Variants in NAV3 observed in about 807,000 individuals in gnomAD.
The protein encoded by NAV3 is pore membrane and/or filament interacting like protein 1.
NAV3 carries 87 observed loss-of-function variants against 244.7 expected under a neutral mutation model. The ratio of observed to expected loss-of-function variants is 0.36; its 90% CI spans 0.30 to 0.42. The LOEUF (loss-of-function observed/expected upper bound fraction) is 0.42, where lower values mean the gene tolerates loss of function less well. Ranked by LOEUF, NAV3 falls within the 20% of genes least tolerant of loss-of-function variation. The pLI, the probability that NAV3 is intolerant of heterozygous loss-of-function variation, is 1.00. For missense variants in NAV3, 2,663 were observed against 2,893.3 expected (o/e 0.92, Z 1.83); for synonymous variants, 1,126 against 1,042.2 (o/e 1.08, Z -1.55).
intron 2 of NAV3, among the ~76,000 whole-genome samples, chr12:77,617,768 T>C (rs1871198868): frequency 6.6e-6 from 1 of 152,222 alleles, no homozygotes; most frequent in South Asian, 2.1e-4. Flanking sequence ...GCATTCTTTG[T>C]TCAGCTCCTA....
intron 2 of NAV3, among the ~76,000 whole-genome samples, chr12:77,627,736 A>G (rs1036810622): frequency 3.9e-5 from 6 of 152,230 alleles, no homozygotes; most frequent in Non-Finnish European, 8.8e-5. Context: ...CTCCATGTCT[A>G]TTGCAGCACT....
chr12:77,941,814 A>G (rs1403205176), intron 3 of NAV3, among the ~76,000 whole-genome samples: 1 of 152,174 alleles, frequency 6.6e-6, no homozygotes, highest in Non-Finnish European at 1.5e-5. Context: ...TGAAATATAA[A>G]ATGCCTTAAC....
intron 1 of NAV3, among the ~76,000 whole-genome samples, chr12:77,923,787 C>G (rs1331828247): frequency 6.6e-6 from 1 of 152,084 alleles, no homozygotes; most frequent in Non-Finnish European, 1.5e-5. Context: ...GCTGGGAAAT[C>G]AAGCTCAGAG....
intron 22 of NAV3, among the ~76,000 whole-genome samples, chr12:78,154,345 A>G (rs997912816): frequency 1.6e-4 from 14 of 86,680 alleles, no homozygotes; most frequent in Non-Finnish European, 2.2e-4. Context: ...ATAGTAATAT[A>G]TTACTATATA....
chr12:77,942,287 G>A (rs1156296516), intron 3 of NAV3, among the ~76,000 whole-genome samples: 1 of 152,072 alleles, frequency 6.6e-6, no homozygotes, highest in Non-Finnish European at 1.5e-5. Context: ...CAGGAGAATC[G>A]CTTGAACCAG....
rs1435496451 is a variant in NAV3, at chr12:78,007,264, G to A, written c.1726G>A (p.Ala576Thr). ...GCCTATAACCATGGAGAAAGCAAGT[G>A]CTTCTAGTTGTCCTGCCCCTTTGGA... is the stretch of plus-strand genomic sequence containing the variant. ...SKPITMEKASASSCPAPLEGR... is the reference protein window; with the variant it reads ...SKPITMEKASTSSCPAPLEGR... The change falls in exon 8 of 40, where the codon GCT becomes ACT. Residue 576 changes from alanine to threonine, a missense_variant. Around this residue, in one of 6 missense-constraint regions of NAV3, gnomAD observed 1,521 missense variants for 1,497.0 expected, o/e 1.02. Coordinates refer to ENST00000397909, the MANE Select transcript of NAV3 (RefSeq NM_001024383.2). The A allele has an allele frequency of 2.5e-6, 4 of 1,614,194 alleles. No individual in the cohort carries two copies. Among genetic ancestry groups the A allele is most frequent in the Non-Finnish European group, 3.4e-6 (4 of 1,180,026 alleles).
At chr12:78,172,359 C>T (rs1958036983) in intron 24 of NAV3, among the ~76,000 whole-genome samples, 2 of 151,434 alleles carry the variant, frequency 1.3e-5, no homozygotes, top group African/African-American at 4.8e-5. Flanking sequence ...TGATTGATAC[C>T]ACATGCCATA....
At position 77,767,090 on chromosome 12, in the gene NAV3, C is replaced by T. The variant is rs17044208; in HGVS notation, c.73-173229C>T. Among the ~76,000 whole-genome samples, 419 of 152,112 alleles carry T rather than the reference C, an allele frequency of 2.8e-3. 3 individuals are homozygous for T. The highest frequency in any genetic ancestry group is 8.4e-3 in the African/African-American group (350 of 41,490). On this transcript the variant is annotated intron_variant, in intron 2 of 8. Transcript: ENST00000550042. The stretch of plus-strand genomic sequence containing the variant: ...CAAGGGAAAAATGACTATTAAGAAG[C>T]GCGATGGAAAGTCAGAGAGTCAGAG...
chr12:78,037,822 G>A (rs888582932), intron 9 of NAV3, among the ~76,000 whole-genome samples: 26 of 152,272 alleles, frequency 1.7e-4, no homozygotes, highest in African/African-American at 5.5e-4. Flanking sequence ...GTAGAGTTAA[G>A]TTTCTTCTGC....
At chr12:78,118,686 C>G (rs982363327) in intron 14 of NAV3, among the ~76,000 whole-genome samples, 1 of 152,158 alleles carries the variant, frequency 6.6e-6, no homozygotes, top group Non-Finnish European at 1.5e-5. Flanking sequence ...ACTACAGACT[C>G]TGAGAGGAAC....
intron 2 of NAV3, among the ~76,000 whole-genome samples, chr12:77,696,683 G>A (rs925641731): frequency 2.0e-5 from 3 of 152,098 alleles, no homozygotes; most frequent in African/African-American, 7.2e-5. Flanking sequence ...CTAGCCCTTG[G>A]GAAAATTGGG....
At chr12:77,713,171 C>T (rs1225163089) in intron 2 of NAV3, among the ~76,000 whole-genome samples, 3 of 152,178 alleles carry the variant, frequency 2.0e-5, no homozygotes, top group African/African-American at 4.8e-5. Context: ...TGCGTTTGCA[C>T]ATTTATTTAG....
In NAV3 at chr12:78,148,858, G is replaced by A. The variant is rs200507786; in HGVS notation, c.4724G>A (p.Arg1575Gln). 4.3e-6 allele frequency: 7 copies of A among 1,611,956 alleles called. No individual in the cohort carries two copies. The highest frequency in any genetic ancestry group is 2.2e-5 in the East Asian group (1 of 44,714). ...KAHSEQIHKL[R>Q]RELVASQEKV... ...TGCATTCAGCAAATCCATAAACTGCGGAGAGAGCTGGTTGCATCACAAGAA... is the reference window on the plus strand; with the variant it reads ...TGCATTCAGCAAATCCATAAACTGCAGAGAGAGCTGGTTGCATCACAAGAA... The change falls in exon 22 of 40, where the codon CGG (arginine) becomes CAG (glutamine). Residue 1575 changes from arginine (R) to glutamine (Q), a missense_variant. Around this residue, in one of 6 missense-constraint regions of NAV3, gnomAD observed 48 missense variants for 90.0 expected, o/e 0.53. Coordinates refer to ENST00000397909, the MANE Select transcript of NAV3 (RefSeq NM_001024383.2).
At chr12:78,200,616 A>G in intron 38 of NAV3, 25 bp downstream of exon 38, 1 of 1,135,468 alleles carries the variant, frequency 8.8e-7, no homozygotes, top group Admixed American at 2.7e-5. Context: ...TTTCATTGCT[A>G]TTTTTTTTTA....
chr12:78,104,407 G>A (rs1253590453), intron 12 of NAV3, among the ~76,000 whole-genome samples: 2 of 152,024 alleles, frequency 1.3e-5, no homozygotes, highest in Non-Finnish European at 2.9e-5. Context: ...TAATATTTCA[G>A]AATCCCTCAT....
intron 2 of NAV3, among the ~76,000 whole-genome samples, chr12:77,589,057 C>T (rs970914049): frequency 3.3e-5 from 5 of 152,050 alleles, no homozygotes; most frequent in African/African-American, 1.2e-4. Context: ...GCCAAAGCAA[C>T]GTGGACTCAC....
rs76229248 is a variant in NAV3, at chr12:77,885,434, C to A, written c.243+53730C>A. Among the ~76,000 whole-genome samples the A allele has an allele frequency of 3.7e-3, 563 of 152,058 alleles. 4 individuals are homozygous for A. The highest frequency in any genetic ancestry group is 0.012 in the African/African-American group (505 of 41,468). On this transcript the variant is annotated intron_variant, in intron 1 of 39. Coordinates refer to ENST00000397909, the MANE Select transcript of NAV3 (RefSeq NM_001024383.2). The stretch of plus-strand genomic sequence containing the variant: ...ATAACGATAGCAGTTTCCAATAGTA[C>A]CTTACGCAGAATAAGTACTCAATAA...
intron 14 of NAV3, among the ~76,000 whole-genome samples, chr12:78,118,535 G>T (rs1192627169): frequency 6.6e-6 from 1 of 152,200 alleles, no homozygotes; most frequent in Non-Finnish European, 1.5e-5. Flanking sequence ...AGGGGTACTG[G>T]ATGCCTTACC....
intron 20 of NAV3, 64 bp downstream of exon 20, chr12:78,140,398 C>A (rs1956556042): frequency 1.5e-6 from 2 of 1,310,884 alleles, no homozygotes; most frequent in Non-Finnish European, 2.2e-6. Context: ...TGAAATAGAT[C>A]ATTTTACTGT....
Sources: gnomAD v4.1 joint callset for allele counts (sites outside exome capture counted in the v4.1 genomes callset) on GRCh38, gnomAD v4.1.1 for gene constraint, gnomAD v4.1.1 regional missense constraint, MANE v1.5 for transcripts, NCBI Gene and HGNC (gene_info 2026-07-23, HGNC 2026-07-21) for gene names.